JUP: variants seen among roughly 807,000 people sequenced by gnomAD.
The protein encoded by JUP is catenin (cadherin-associated protein), gamma 80kDa.
A neutral mutation model predicts 71.1 loss-of-function variants in JUP; 28 were observed. That is an observed-to-expected ratio of 0.39 (90% CI 0.29 to 0.54). The LOEUF is 0.54. JUP is among the 20% of genes least tolerant of loss of function. The probability of loss-of-function intolerance (pLI) is 0.62; values close to 1 mark genes in which losing one functional copy is unlikely to be tolerated. For missense variants in JUP, 869 were observed against 1,030.1 expected, an observed-to-expected ratio of 0.84 and a Z score of 2.14; for synonymous variants, 401 against 438.9, an observed-to-expected ratio of 0.91 and a Z score of 1.08.
rs1482729340 is a variant in JUP at position 41,759,998 on chromosome 17, T to TGGGAGGCCA, written c.1498-1129_1498-1128insTGGCCTCCC. Among the ~76,000 whole-genome samples the TGGGAGGCCA allele has an allele frequency of 7.9e-5, 12 of 151,710 alleles. No individual in the cohort carries two copies. The East Asian group carries it at 2.4e-3, about 30-fold the overall frequency. On this transcript the variant is annotated intron_variant, in intron 8 of 13. Transcript: ENST00000393931. The stretch of plus-strand genomic sequence containing the variant: ...GGAGGCCAAGGCAGGCAGATCACTT[T>TGGGAGGCCA]AGGTCAGGAGTTCGAGACCAGCCTG...
At chr17:41,756,866 C>T (rs1555598296) in intron 12 of JUP, among the ~76,000 whole-genome samples, 1 of 152,144 alleles carries the variant, frequency 6.6e-6, no homozygotes, top group Non-Finnish European at 1.5e-5. Flanking sequence ...CACCACTGCA[C>T]TCCAGCCTGG....
chr17:41,761,753 CAAAAAAA>C (rs1180310607), intron 8 of JUP, among the ~76,000 whole-genome samples: 2 of 76,788 alleles, frequency 2.6e-5, no homozygotes, highest in Non-Finnish European at 5.4e-5. Context: ...AACTCCGTCT[CAAAAAAA>C]AAAAAAAAAA....
intron 1 of JUP, among the ~76,000 whole-genome samples, chr17:41,781,554 C>T (rs892241010): frequency 2.6e-5 from 4 of 152,228 alleles, no homozygotes; most frequent in African/African-American, 7.2e-5. Context: ...AGAGGCCGCT[C>T]AGTGTCACTT....
rs1555602245 is a variant in JUP at position 41,763,171 on chromosome 17, C to T, written c.1309G>A (p.Ala437Thr). Residue 437 changes from alanine to threonine, a missense_variant, in exon 8 of 14, where the codon GCT (alanine) becomes ACT (threonine). Physicochemically the swap from Ala to Thr is moderately conservative, Grantham distance 58. Transcript: ENST00000393931. ...GCACGCAGGATGGCATGGATGAGAG[C>T]CTCCACACCGCTGTTCTGTGTCACC... ...TLVTQNSGVE[A>T]LIHAILRAGD... The T allele has an allele frequency of 6.2e-7, 1 of 1,614,114 alleles. No homozygotes were observed. Among genetic ancestry groups the T allele is most frequent in the African/African-American group, 1.3e-5 (1 of 74,938 alleles).
Position 41,755,641 on chromosome 17 carries a change from G to C in JUP, c.*103C>G. Reference sequence around the variant, plus strand: ...AGCAGCAAAGGATCCCCCCAAAAAAGGAGCGCAGGTTTCAGCGGGGAGATG... The same window carrying C: ...AGCAGCAAAGGATCCCCCCAAAAAACGAGCGCAGGTTTCAGCGGGGAGATG... On this transcript the variant is annotated 3_prime_UTR_variant, in exon 14 of 14. Coordinates refer to ENST00000393931, the MANE Select transcript of JUP (RefSeq NM_002230.4). 8.6e-7 allele frequency: 1 copy of C among 1,166,196 alleles called. No individual in the cohort carries two copies. The allele number at this position is 1,166,196 out of a possible 1,614,324, so 72.2% of individuals were successfully genotyped here. A position where few individuals can be genotyped will look rare whatever the true frequency, so the allele number is the denominator to read the frequency against.
At chr17:41,769,380 C>T (rs1916220207) in intron 3 of JUP, 38 bp downstream of exon 3, 3 of 1,591,794 alleles carry the variant, frequency 1.9e-6, no homozygotes, top group Non-Finnish European at 2.6e-6. Flanking sequence ...CTCTCCCCTC[C>T]CTGCCCAGCC....
At chr17:41,762,160 AGAGAGAGAGAGAGAGAGTGTGTGTGT>A (rs1403498448) in intron 8 of JUP, among the ~76,000 whole-genome samples, 17 of 107,436 alleles carry the variant, frequency 1.6e-4, no homozygotes, top group Non-Finnish European at 3.0e-4. Flanking sequence ...AGAGAGAGAG[AGAGAGAGAGAGAGAGAGTGTGTGTGT>A]GTGTGTGTGT....
chr17:41,760,348 C>T (rs1333876679), intron 8 of JUP, among the ~76,000 whole-genome samples: 1 of 150,826 alleles, frequency 6.6e-6, no homozygotes, highest in African/African-American at 2.4e-5. Context: ...CTCCGCCTCC[C>T]GGGTTCACAC....
At chr17:41,776,712 A>G (rs1555608812) in intron 1 of JUP, among the ~76,000 whole-genome samples, 2 of 152,190 alleles carry the variant, frequency 1.3e-5, no homozygotes, top group African/African-American at 4.8e-5. Flanking sequence ...GTCTCAAAAC[A>G]AAAAGGTGAG....
Position 41,757,878 on chromosome 17 carries a change from T to C in JUP, c.1774-94A>G, listed in dbSNP as rs1914124049. The C allele has an allele frequency of 2.8e-6, 3 of 1,071,556 alleles. No homozygotes were observed. The East Asian group carries it at 7.4e-5, about 26-fold the overall frequency. 66.4% of individuals were successfully genotyped at this position (1,071,556 alleles called of 1,614,324 possible). A position where few individuals can be genotyped will look rare whatever the true frequency, so the allele number is the denominator to read the frequency against. On this transcript the variant is annotated intron_variant, in intron 10 of 13. Coordinates refer to ENST00000393931, the MANE Select transcript of JUP (RefSeq NM_002230.4). ...CACAGCACTGCCCACCTCCACCCTG[T>C]AGCAATTCCATAGTGGAAAATGGGC...
At chr17:41,760,464 T>G (rs1231146620) in intron 8 of JUP, among the ~76,000 whole-genome samples, 1 of 151,926 alleles carries the variant, frequency 6.6e-6, no homozygotes, top group Non-Finnish European at 1.5e-5. Context: ...TTCACCGTGT[T>G]AGCCAGGATG....
intron 8 of JUP, 150 bp downstream of exon 8, chr17:41,762,833 A>C: frequency 1.5e-6 from 1 of 667,246 alleles, no homozygotes; most frequent in South Asian, 1.7e-5. Context: ...GCCATTGTTG[A>C]GGTCTAAACT....
chr17:41,758,237 T>C (rs1028267366), intron 10 of JUP, 162 bp downstream of exon 10: 1 of 763,912 alleles, frequency 1.3e-6, no homozygotes, highest in Admixed American at 2.5e-5. Flanking sequence ...GCCATGCCCA[T>C]GCAGGGGGTT....
chr17:41,765,172 C>A (rs1254299256), intron 5 of JUP, 105 bp from the exon 6 acceptor site: 2 of 1,132,834 alleles, frequency 1.8e-6, no homozygotes, highest in East Asian at 4.8e-5. Context: ...TCAGCTAAAG[C>A]ACGAATAGTT....
chr17:41,780,518 A>T (rs1555609997), intron 1 of JUP, among the ~76,000 whole-genome samples: 1 of 149,772 alleles, frequency 6.7e-6, no homozygotes, highest in African/African-American at 2.5e-5. Context: ...ACATAGTGAC[A>T]CCCCCATCTC....
rs11427331 is a variant in JUP at position 41,769,907 on chromosome 17, A to ATT, written c.209-232_209-231dup. Among the ~76,000 whole-genome samples, 20,780 of 147,928 alleles carry ATT rather than the reference A, an allele frequency of 0.14. 1,874 individuals are homozygous for ATT. Among genetic ancestry groups the ATT allele is most frequent in the African/African-American group, 0.24 (9,614 of 40,166 alleles). On this transcript the variant is annotated intron_variant, in intron 2 of 13. Coordinates refer to ENST00000393931, the MANE Select transcript of JUP (RefSeq NM_002230.4). ...CCCACATGTTCTGTCCATCAAGGGA[A>ATT]TTTTTTTTTTTTTTTGCACACTTAT...
chr17:41,771,927 C>G lies in JUP; in HGVS notation c.-8-65G>C. On this transcript the variant is annotated intron_variant, in intron 1 of 13. Coordinates refer to ENST00000393931, the MANE Select transcript of JUP (RefSeq NM_002230.4). ...CCTGGCCCAGCCCCCAGCTTCAGCC[C>G]GTCACCAAGCCCCGCCTGTCTTCCC... 6 of 1,328,348 alleles carry G rather than the reference C, an allele frequency of 4.5e-6. No individual in the cohort carries two copies. In the South Asian group the frequency reaches 7.5e-5, roughly 17 times the overall value. 82.3% of individuals were successfully genotyped at this position (1,328,348 alleles called of 1,614,324 possible). A position where few individuals can be genotyped will look rare whatever the true frequency, so the allele number is the denominator to read the frequency against.
intron 1 of JUP, among the ~76,000 whole-genome samples, chr17:41,774,327 A>G (rs782277036): frequency 1.5e-4 from 23 of 151,526 alleles, no homozygotes; most frequent in Non-Finnish European, 3.1e-4. Flanking sequence ...ATAATTTCCA[A>G]TTTCTTTCTT....
chr17:41,757,485 T>A lies in JUP; in HGVS notation c.1976A>T (p.Asp659Val). The change falls in exon 12 of 14, where the codon GAC (aspartate) becomes GTC (valine). Residue 659 changes from aspartate to valine, a missense_variant. Physicochemically the swap from Asp to Val is radical, Grantham distance 152 (BLOSUM62 -3). Transcript: ENST00000393931. The part of the protein sequence containing the change: ...LFRISEDKNP[D>V]YRKRVSVELT... ...CTCCACGGACACGCGCTTCCGGTAGTCTGGGTTCTTGTCCTCGGAGATGCG... is the reference window on the plus strand; with the variant it reads ...CTCCACGGACACGCGCTTCCGGTAGACTGGGTTCTTGTCCTCGGAGATGCG... 2 of 1,614,180 alleles carry A rather than the reference T, an allele frequency of 1.2e-6. No homozygotes were observed. The highest frequency in any genetic ancestry group is 1.7e-6 in the Non-Finnish European group (2 of 1,180,040).
Sources: gnomAD v4.1 joint callset for allele counts (sites outside exome capture counted in the v4.1 genomes callset) on GRCh38, gnomAD v4.1.1 for gene constraint, MANE v1.5 for transcripts, NCBI Gene and HGNC (gene_info 2026-07-23, HGNC 2026-07-21) for gene names.